The following NINJ2 variants were observed in gnomAD, a reference collection of about 807,000 sequenced individuals.
The protein encoded by NINJ2 is ninjurin-2.
Under a neutral mutation model 11.7 loss-of-function variants are expected in NINJ2, and 12 were observed. That is an observed-to-expected ratio of 1.02 (90% CI 0.66 to 1.66). NINJ2 has a LOEUF of 1.66. Ranked by LOEUF, NINJ2 falls within the 40% of genes most tolerant of loss-of-function variation. NINJ2 has a pLI of 0.00. For missense variants in NINJ2, 187 were observed against 181.8 expected, an observed-to-expected ratio of 1.03 and a Z score of -0.16; for synonymous variants, 93 against 76.8, an observed-to-expected ratio of 1.21 and a Z score of -1.10.
intron 1 of NINJ2, chr12:642,738 G>T (rs1230256581): frequency 6.6e-6 from 1 of 152,356 alleles, no homozygotes; most frequent in Non-Finnish European, 1.5e-5. Context: ...GCCGGGAAAA[G>T]GTGAGGGCGG....
At chr12:641,701 C>T (rs897756082) in intron 1 of NINJ2, among the ~76,000 whole-genome samples, 4 of 152,066 alleles carry the variant, frequency 2.6e-5, no homozygotes, top group South Asian at 4.2e-4. Flanking sequence ...AAAAATGAGC[C>T]GGGCGTGGTG....
intron 1 of NINJ2, among the ~76,000 whole-genome samples, chr12:651,246 T>G (rs1221142671): frequency 1.3e-5 from 2 of 152,218 alleles, no homozygotes; most frequent in African/African-American, 4.8e-5. Context: ...ATTCTGTTGG[T>G]TCTTCTTAAC....
intron 1 of NINJ2, among the ~76,000 whole-genome samples, chr12:606,291 T>TA (rs1947941300): frequency 6.6e-6 from 1 of 152,034 alleles, no homozygotes; most frequent in Non-Finnish European, 1.5e-5. Flanking sequence ...GAAACGTTTA[T>TA]AAAATCTCAT....
intron 1 of NINJ2, among the ~76,000 whole-genome samples, chr12:632,933 G>A (rs1948300333): frequency 6.6e-6 from 1 of 152,184 alleles, no homozygotes; most frequent in South Asian, 2.1e-4. Flanking sequence ...CCAAGTGTGG[G>A]CATTTCATGC....
chr12:587,720 G>C (rs2607933), intron 1 of NINJ2, among the ~76,000 whole-genome samples: 1 of 151,908 alleles, frequency 6.6e-6, no homozygotes, highest in South Asian at 2.1e-4. Flanking sequence ...GGGACCCTGC[G>C]CCTCACAGGC....
At chr12:573,601 A>G (rs1408853461) in intron 1 of NINJ2, among the ~76,000 whole-genome samples, 2 of 151,936 alleles carry the variant, frequency 1.3e-5, no homozygotes, top group Non-Finnish European at 2.9e-5. Context: ...CAGAAAAACA[A>G]AAAACAAACA....
At chr12:566,507 T>C (rs1947303062) in intron 1 of NINJ2, among the ~76,000 whole-genome samples, 1 of 152,214 alleles carries the variant, frequency 6.6e-6, no homozygotes, top group Admixed American at 6.5e-5. Context: ...TTCACTATTT[T>C]ACCTGGGCCA....
chr12:577,435 A>G (rs1947480031), intron 1 of NINJ2, among the ~76,000 whole-genome samples: 1 of 140,394 alleles, frequency 7.1e-6, no homozygotes. Flanking sequence ...ATATACATAT[A>G]TATATATAAA....
rs141190734 is a variant in NINJ2 at position 603,724 on chromosome 12, A to G, written c.34-37546T>C. ...CACCCAGGCTGGAGTATAGTGGTGC[A>G]ATCTTGGCTCAGTGCAACCTCTGCC... On this transcript the variant is annotated intron_variant, in intron 1 of 3. Transcript: ENST00000305108. 0.01 allele frequency among the ~76,000 whole-genome samples: 1,575 copies of G among 151,660 alleles called. 37 individuals carry two copies. The East Asian group carries it at 0.11, about 11-fold the overall frequency.
At chr12:645,370 A>G (rs903605594) in intron 1 of NINJ2, 1 of 152,212 alleles carries the variant, frequency 6.6e-6, no homozygotes, top group Non-Finnish European at 1.5e-5. Context: ...CTATGTATGT[A>G]GGACTTCTTA....
chr12:629,896 A>AAAATATATATAT, intron 1 of NINJ2, among the ~76,000 whole-genome samples: 4 of 9,898 alleles, frequency 4.0e-4, no homozygotes, highest in African/African-American at 5.8e-4. Context: ...AAAAAAAAAA[A>AAAATATATATAT]ATATATATAT....
intron 1 of NINJ2, among the ~76,000 whole-genome samples, chr12:619,563 C>G (rs1322437219): frequency 6.6e-6 from 1 of 152,162 alleles, no homozygotes; most frequent in Non-Finnish European, 1.5e-5. Context: ...GCTGTGTCCT[C>G]CAAGGGTGGC....
chr12:657,591 A>AAAAT (rs956607940), intron 1 of NINJ2, among the ~76,000 whole-genome samples: 5 of 152,172 alleles, frequency 3.3e-5, no homozygotes, highest in East Asian at 3.8e-4. Context: ...TCCTTCTCAA[A>AAAAT]AAATAAATAA....
intron 1 of NINJ2, among the ~76,000 whole-genome samples, chr12:612,856 C>T (rs901714041): frequency 6.6e-6 from 1 of 152,166 alleles, no homozygotes. Context: ...GGGTCCTCTC[C>T]GTCACTGCAA....
chr12:612,260 TA>T (rs1290998201), intron 1 of NINJ2, among the ~76,000 whole-genome samples: 1 of 152,208 alleles, frequency 6.6e-6, no homozygotes, highest in Non-Finnish European at 1.5e-5. Flanking sequence ...AAGCTGTTAT[TA>T]TTTGGCGTCT....
At chr12:616,727 T>C (rs150663459) in intron 1 of NINJ2, among the ~76,000 whole-genome samples, 1 of 152,378 alleles carries the variant, frequency 6.6e-6, no homozygotes, top group Non-Finnish European at 1.5e-5. Context: ...ACTGCTAGTG[T>C]TCTCCTCTCT....
intron 1 of NINJ2, among the ~76,000 whole-genome samples, chr12:598,951 C>T (rs575203444): frequency 7.2e-5 from 11 of 152,072 alleles, no homozygotes; most frequent in Admixed American, 2.0e-4. Flanking sequence ...CCACCTGCCT[C>T]GGCCTCCCAA....
intron 1 of NINJ2, chr12:610,205 CCAGACACCCAG>C: frequency 1.4e-6 from 1 of 727,754 alleles, no homozygotes; most frequent in Non-Finnish European, 2.4e-6. Flanking sequence ...ACACACATTG[CCAGACACCCAG>C]CAGACACAGA....
At chr12:586,302 G>A (rs988897242) in intron 1 of NINJ2, 1 of 152,258 alleles carries the variant, frequency 6.6e-6, no homozygotes, top group Admixed American at 6.5e-5. Context: ...AGGATCACAG[G>A]CCTTGGGAAA....
Sources: gnomAD v4.1 joint callset for allele counts (sites outside exome capture counted in the v4.1 genomes callset) on GRCh38, gnomAD v4.1.1 for gene constraint, MANE v1.5 for transcripts, NCBI Gene and HGNC (gene_info 2026-07-23, HGNC 2026-07-21) for gene names.